CLCN1: variants seen among roughly 807,000 people sequenced by gnomAD.
The protein encoded by CLCN1 is chloride channel protein 1.
Under a neutral mutation model 114.5 loss-of-function variants are expected in CLCN1, and 100 were observed. The ratio of observed to expected loss-of-function variants is 0.87; its 90% confidence interval spans 0.74 to 1.03. The LOEUF is 1.03. CLCN1 is among the 50% of genes least tolerant of loss of function. The probability of loss-of-function intolerance (pLI) is 0.00; values close to 1 mark genes in which losing one functional copy is unlikely to be tolerated. For synonymous variants in CLCN1, 485 were observed against 487.1 expected (o/e 1.00, Z 0.06); for missense variants, 1,188 against 1,250.0 (o/e 0.95, Z 0.75).
intron 12 of CLCN1, among the ~76,000 whole-genome samples, chr7:143,333,564 C>G (rs1299306230): frequency 4.6e-5 from 7 of 152,206 alleles, no homozygotes; most frequent in Non-Finnish European, 8.8e-5. Context: ...ATTTCATTCT[C>G]CATGTATCTG....
intron 7 of CLCN1, among the ~76,000 whole-genome samples, chr7:143,327,854 C>G (rs1802615299): frequency 6.6e-6 from 1 of 152,070 alleles, no homozygotes; most frequent in African/African-American, 2.4e-5. Flanking sequence ...GAGGTTTTTC[C>G]ATGTTGGCCA....
chr7:143,342,422 T>C lies in CLCN1; in HGVS notation c.1847T>C (p.Val616Ala), dbSNP rs756893085. Residue 616 changes from valine to alanine, a missense_variant, in exon 16 of 23, where the codon GTT (valine) becomes GCT (alanine). Transcript: ENST00000343257. The stretch of plus-strand genomic sequence containing the variant: ...ATCATGGTACGTGATGTGAAGTTTG[T>C]TTCAGCTTCTTACACATATGGGGAG... ...EDIMVRDVKF[V>A]SASYTYGELR... 3 of 1,614,124 alleles carry C rather than the reference T, an allele frequency of 1.9e-6. No homozygotes were observed. Among genetic ancestry groups the C allele is most frequent in the Non-Finnish European group, 2.5e-6 (3 of 1,180,020 alleles).
In CLCN1 at chr7:143,339,263, C is replaced by T. The variant is rs80356693; in HGVS notation, c.1412C>T (p.Ser471Phe). 1.9e-6 allele frequency: 3 copies of T among 1,609,668 alleles called. No homozygotes were observed. The highest frequency in any genetic ancestry group is 2.6e-6 in the Non-Finnish European group (3 of 1,175,896). ...TTCTTTCTACTCCAGTTCTGGATGT[C>T]CATCGTGGCCACCACTATGCCCATA... ...FLFFVMKFWM[S>F]IVATTMPIPC... The change falls in exon 13 of 23, where the codon TCC becomes TTC. Residue 471 changes from serine (S) to phenylalanine (F), a missense_variant. By Grantham distance (155) the Ser-to-Phe change is radical. Coordinates refer to ENST00000343257, the MANE Select transcript of CLCN1 (RefSeq NM_000083.3). This position sits in a 1 kb window ranked among gnomAD's most constrained non-coding sequence, Gnocchi z 4.1.
At chr7:143,327,221 C>CCT (rs1802598267) in intron 7 of CLCN1, among the ~76,000 whole-genome samples, 1 of 150,764 alleles carries the variant, frequency 6.6e-6, no homozygotes, top group Non-Finnish European at 1.5e-5. Flanking sequence ...GCACTCCAGT[C>CCT]CGGGCAACAG....
Position 143,331,569 on chromosome 7 carries a change from G to C in CLCN1, c.1083G>C (p.Leu361=), listed in dbSNP as rs752958626. The C allele has an allele frequency of 5.0e-6, 8 of 1,613,666 alleles. No homozygotes were observed. The South Asian group carries it at 7.7e-5, about 16-fold the overall frequency. Residue 361 remains leucine (L), a synonymous_variant, in exon 10 of 23, where the codon CTG becomes CTC. Transcript: ENST00000343257. ...FAAIGICCGL[L]GAVFVYLHRQ... is the part of the protein sequence containing the mutation. ...CCCTCAGGATTTGCTGTGGGCTCCT[G>C]GGAGCTGTATTTGTGTATCTGCATC... is the stretch of plus-strand genomic sequence containing the variant.
chr7:143,347,777 G>A (rs1270059276), intron 20 of CLCN1, among the ~76,000 whole-genome samples: 2 of 152,124 alleles, frequency 1.3e-5, no homozygotes, highest in African/African-American at 4.8e-5. Flanking sequence ...AATGACCACG[G>A]TGCCTCCTGG....
chr7:143,323,011 G>A (rs920845044), intron 5 of CLCN1, among the ~76,000 whole-genome samples: 2 of 152,116 alleles, frequency 1.3e-5, no homozygotes, highest in South Asian at 2.1e-4. Context: ...TGACATCTGC[G>A]CGGCTCCCTC....
intron 3 of CLCN1, 109 bp downstream of exon 3, chr7:143,320,904 G>A (rs1046308847): frequency 2.6e-5 from 35 of 1,336,488 alleles, no homozygotes; most frequent in Non-Finnish European, 3.3e-5. Flanking sequence ...TATGGGAAGC[G>A]AATATTGCGC....
chr7:143,326,858 G>A (rs189090722), intron 7 of CLCN1, among the ~76,000 whole-genome samples: 63 of 152,302 alleles, frequency 4.1e-4, no homozygotes, highest in Non-Finnish European at 7.3e-4. Flanking sequence ...GGATTTGCAC[G>A]AATGTGTTTC....
At chr7:143,342,337 G>T (rs1173716201) in intron 15 of CLCN1, 35 bp from the exon 16 acceptor site, 1 of 1,613,582 alleles carries the variant, frequency 6.2e-7, no homozygotes, top group African/African-American at 1.3e-5. Flanking sequence ...TAGGTATACG[G>T]TGGGGCTAAC....
chr7:143,324,277 G>A lies in CLCN1; in HGVS notation c.775-137G>A. ...AGTTTCTCTTGGCCTGGGAATCACA[G>A]GGGACATGGGACCACAAGGACTCCT... On this transcript the variant is annotated intron_variant, in intron 6 of 22. Coordinates refer to ENST00000343257, the MANE Select transcript of CLCN1 (RefSeq NM_000083.3). This position sits in a 1 kb window ranked among gnomAD's most constrained non-coding sequence, Gnocchi z 4.6. 2.7e-6 allele frequency: 2 copies of A among 731,578 alleles called. No individual in the cohort carries two copies. Among genetic ancestry groups the A allele is most frequent in the Middle Eastern group, 3.6e-4 (1 of 2,792 alleles). The allele number at this position is 731,578 out of a possible 1,614,324, so 45.3% of individuals were successfully genotyped here.
intron 12 of CLCN1, among the ~76,000 whole-genome samples, chr7:143,336,772 T>A (rs1299692921): frequency 6.6e-6 from 1 of 152,208 alleles, no homozygotes; most frequent in East Asian, 1.9e-4. Context: ...TAATCTCATG[T>A]GTCAACCTTT....
chr7:143,328,207 C>T (rs549288123), intron 7 of CLCN1, among the ~76,000 whole-genome samples: 1 of 145,996 alleles, frequency 6.8e-6, no homozygotes, highest in East Asian at 2.0e-4. Context: ...AGGAACATGG[C>T]TTTGCTAATC....
At position 143,346,587 on chromosome 7, in the gene CLCN1, C is replaced by T. The variant is rs778561523; in HGVS notation, c.2293C>T (p.Pro765Ser). Reference sequence around the variant, plus strand: ...CTCACCTGTCCTCTCAGGTCAAAGACCCTCCATCTTCCAGTCCCTGCTTCA... The same window carrying T: ...CTCACCTGTCCTCTCAGGTCAAAGATCCTCCATCTTCCAGTCCCTGCTTCA... ...PEAPEPAGQR[P>S]SIFQSLLHCL... The change falls in exon 19 of 23, where the codon CCC becomes TCC. Residue 765 changes from proline (P) to serine (S), a missense_variant. Transcript: ENST00000343257. The T allele has an allele frequency of 1.2e-6, 2 of 1,612,542 alleles. No homozygotes were observed. The highest frequency in any genetic ancestry group is 1.7e-5 in the Admixed American group (1 of 59,996).
At chr7:143,351,147 C>A (rs149557003) in intron 22 of CLCN1, among the ~76,000 whole-genome samples, 3 of 152,136 alleles carry the variant, frequency 2.0e-5, no homozygotes, top group Admixed American at 6.5e-5. Flanking sequence ...GAGGAGACTA[C>A]GAAGCCTGTT....
intron 5 of CLCN1, among the ~76,000 whole-genome samples, chr7:143,322,869 C>G (rs1802478781): frequency 6.6e-6 from 1 of 152,246 alleles, no homozygotes; most frequent in Non-Finnish European, 1.5e-5. Context: ...TCTGGTTCCT[C>G]CTCTCTGCAG....
chr7:143,333,904 GTGACATCT>G (rs1231750976), intron 12 of CLCN1, among the ~76,000 whole-genome samples: 1 of 152,160 alleles, frequency 6.6e-6, no homozygotes. Flanking sequence ...ACCCCTGGTT[GTGACATCT>G]ATTACAATTG....
intron 7 of CLCN1, among the ~76,000 whole-genome samples, chr7:143,326,016 G>GTTTT (rs1802566061): frequency 6.6e-6 from 1 of 151,292 alleles, no homozygotes; most frequent in Admixed American, 6.6e-5. Flanking sequence ...TTTTTTGTTT[G>GTTTT]TTTGTTTGTT....
intron 20 of CLCN1, among the ~76,000 whole-genome samples, chr7:143,347,345 G>T (rs1336577178): frequency 6.6e-6 from 1 of 152,142 alleles, no homozygotes; most frequent in Non-Finnish European, 1.5e-5. Context: ...GGGAGGCCGG[G>T]CATGGTGGCT....
Sources: allele counts gnomAD v4.1 joint callset (sites outside exome capture counted in the v4.1 genomes callset), GRCh38; gene constraint gnomAD v4.1.1; non-coding constraint Gnocchi (gnomAD v3.1); transcripts MANE v1.5; gene names NCBI Gene and HGNC (gene_info 2026-07-23, HGNC 2026-07-21).